The following KLF8 variants were observed in gnomAD, a reference collection of about 807,000 sequenced individuals.
KLF8 encodes the protein Krueppel-like factor 8.
A neutral mutation model predicts 18.2 loss-of-function variants in KLF8; 10 were observed. That is an observed-to-expected ratio of 0.55 (90% CI 0.34 to 0.93). The LOEUF is 0.93. Among genes scored for constraint, KLF8 ranks in the 40% least tolerant of loss-of-function variants. The pLI, the probability that KLF8 is intolerant of heterozygous loss-of-function variation, is 0.02. For synonymous variants in KLF8, 109 were observed against 97.3 expected (o/e 1.12, Z -0.71); for missense variants, 264 against 277.9 (o/e 0.95, Z 0.36).
At chrX:56,266,361 A>T (rs1046252022) in intron 3 of KLF8, 1 of 736,650 alleles carries the variant, frequency 1.4e-6, no homozygotes, top group Non-Finnish European at 1.6e-6. Context: ...TTACTTATTT[A>T]TTTGCCTGTA....
the KLF8 span, among the ~76,000 whole-genome samples, chrX:56,117,166 C>T: frequency 1.3e-4 from 14 of 111,590 alleles, no homozygotes; most frequent in African/African-American, 4.6e-4. Context: ...CATGAAATAC[C>T]TTGTGAGAAC....
chrX:56,276,979 T>C (rs1360703311), intron 5 of KLF8, among the ~76,000 whole-genome samples: 1 of 112,187 alleles, frequency 8.9e-6, no homozygotes, highest in African/African-American at 3.2e-5. Flanking sequence ...AAATAGGCTG[T>C]CTTCAAGCTC....
At chrX:56,159,099 G>C in the KLF8 span, among the ~76,000 whole-genome samples, 1 of 112,044 alleles carries the variant, frequency 8.9e-6, no homozygotes, top group Non-Finnish European at 1.9e-5. Flanking sequence ...AGCATGAAGC[G>C]TTGTTGAATT....
the KLF8 span, among the ~76,000 whole-genome samples, chrX:56,052,596 G>A: frequency 8.9e-6 from 1 of 111,914 alleles, no homozygotes; most frequent in Non-Finnish European, 1.9e-5. Context: ...CAGGGGTCAA[G>A]GACCCACTTG....
chrX:55,997,953 C>T, the KLF8 span, among the ~76,000 whole-genome samples: 3 of 111,126 alleles, frequency 2.7e-5, no homozygotes, highest in Admixed American at 9.5e-5. Context: ...ATTGATCATT[C>T]GTGGGTGTTT....
At chrX:56,121,536 G>A in the KLF8 span, among the ~76,000 whole-genome samples, 1 of 112,020 alleles carries the variant, frequency 8.9e-6, no homozygotes, top group Admixed American at 9.4e-5. Flanking sequence ...CTTCTGACCC[G>A]GAAATTCTTT....
At chrX:56,167,605 G>A in the KLF8 span, among the ~76,000 whole-genome samples, 1 of 112,103 alleles carries the variant, frequency 8.9e-6, no homozygotes, top group African/African-American at 3.2e-5. Context: ...TGAACTTGTG[G>A]AATCCAGCCA....
At chrX:55,988,122 T>C in the KLF8 span, among the ~76,000 whole-genome samples, 1 of 112,041 alleles carries the variant, frequency 8.9e-6, no homozygotes, top group African/African-American at 3.3e-5. Flanking sequence ...GATGAGTAGT[T>C]TGCAAAAATT....
chrX:56,004,910 G>C, the KLF8 span, among the ~76,000 whole-genome samples: 1 of 111,056 alleles, frequency 9.0e-6, no homozygotes, highest in Non-Finnish European at 1.9e-5. Flanking sequence ...GATTTCCGTG[G>C]GAATATATGT....
intron 2 of KLF8, 127 bp from the exon 3 acceptor site, chrX:56,265,053 T>C: frequency 1.2e-6 from 1 of 817,209 alleles, no homozygotes; most frequent in Non-Finnish European, 1.6e-6. Flanking sequence ...ACTCCTGCCT[T>C]ATTTCTCCCA....
chrX:56,136,608 A>G, the KLF8 span, among the ~76,000 whole-genome samples: 1 of 111,528 alleles, frequency 9.0e-6, no homozygotes, highest in Non-Finnish European at 1.9e-5. Context: ...TCAATTCAAG[A>G]TGGATTAAAG....
intron 1 of KLF8, among the ~76,000 whole-genome samples, chrX:56,244,506 A>T (rs778950335): frequency 8.9e-6 from 1 of 112,080 alleles, no homozygotes; most frequent in South Asian, 3.8e-4. Context: ...TCCTTTTTAA[A>T]ATGAGGAAAT....
the KLF8 span, among the ~76,000 whole-genome samples, chrX:56,187,980 C>A: frequency 8.9e-6 from 1 of 111,799 alleles, no homozygotes; most frequent in Admixed American, 9.5e-5. Context: ...GTGATGCCCT[C>A]TCTCACCACT....
the KLF8 span, among the ~76,000 whole-genome samples, chrX:56,105,957 TA>T: frequency 9.0e-6 from 1 of 111,696 alleles, no homozygotes; most frequent in Non-Finnish European, 1.9e-5. Flanking sequence ...TAAAGGATTT[TA>T]TTTATCATTC....
chrX:55,994,231 C>CT, the KLF8 span, among the ~76,000 whole-genome samples: 32 of 99,230 alleles, frequency 3.2e-4, no homozygotes, highest in African/African-American at 7.5e-4. Context: ...TCTTAATAGA[C>CT]TTTTTTTTTT....
the KLF8 span, among the ~76,000 whole-genome samples, chrX:56,155,047 G>C: frequency 2.5e-4 from 28 of 111,629 alleles, no homozygotes; most frequent in African/African-American, 6.5e-4. Flanking sequence ...GTCAGTGTGG[G>C]GATTCCTCAG....
the KLF8 span, among the ~76,000 whole-genome samples, chrX:56,034,997 C>G: frequency 9.1e-6 from 1 of 109,764 alleles, no homozygotes. Flanking sequence ...CCTCGTGATC[C>G]GCCCGCCTCG....
chrX:56,047,489 C>T, the KLF8 span, among the ~76,000 whole-genome samples: 1 of 103,960 alleles, frequency 9.6e-6, no homozygotes. Flanking sequence ...TTGTTCAATT[C>T]CCACCTATGA....
At chrX:56,076,988 G>T in the KLF8 span, among the ~76,000 whole-genome samples, 2 of 111,501 alleles carry the variant, frequency 1.8e-5, no homozygotes, top group Non-Finnish European at 3.8e-5. Context: ...TGACGGGGTT[G>T]TTTGTTTTTT....
Sources: allele counts gnomAD v4.1 joint callset (sites outside exome capture counted in the v4.1 genomes callset), GRCh38; gene constraint gnomAD v4.1.1; transcripts MANE v1.5; gene names NCBI Gene and HGNC (gene_info 2026-07-23, HGNC 2026-07-21).